MERTK: variants seen among roughly 807,000 people sequenced by gnomAD.
The protein encoded by MERTK is tyrosine-protein kinase Mer.
In MERTK, 69 loss-of-function variants were observed where a neutral mutation model predicts 99.3. That is an observed-to-expected ratio of 0.70 (90% CI 0.57 to 0.85). The LOEUF is 0.85. Among genes scored for constraint, MERTK ranks in the 40% least tolerant of loss-of-function variants. The pLI is 0.00. For synonymous variants in MERTK, 426 were observed against 467.6 expected, an observed-to-expected ratio of 0.91 and a Z score of 1.15; for missense variants, 1,125 against 1,249.4, an observed-to-expected ratio of 0.90 and a Z score of 1.50.
intron 1 of MERTK, among the ~76,000 whole-genome samples, chr2:111,899,356 T>C (rs1683996796): frequency 6.6e-6 from 1 of 152,090 alleles, no homozygotes; most frequent in African/African-American, 2.4e-5. Context: ...TCCTGGCTGC[T>C]CCCAATGGGC....
At chr2:111,964,514 A>T (rs1021274640) in intron 4 of MERTK, among the ~76,000 whole-genome samples, 1 of 152,202 alleles carries the variant, frequency 6.6e-6, no homozygotes, top group Non-Finnish European at 1.5e-5. Context: ...TTCTCCAAGG[A>T]GCCCTGGTTC....
At chr2:112,017,517 C>A (rs1228704370) in intron 15 of MERTK, among the ~76,000 whole-genome samples, 2 of 152,026 alleles carry the variant, frequency 1.3e-5, no homozygotes, top group East Asian at 3.9e-4. Flanking sequence ...GTAATACCAG[C>A]TACTTGGGAG....
At chr2:111,929,608 A>G in intron 2 of MERTK, 68 bp downstream of exon 2, 2 of 656,852 alleles carry the variant, frequency 3.0e-6, no homozygotes, top group Non-Finnish European at 4.3e-6. Flanking sequence ...ACTTATTGAG[A>G]CAGAGTATCA....
At chr2:111,927,249 G>A (rs980786768) in intron 1 of MERTK, among the ~76,000 whole-genome samples, 3 of 152,240 alleles carry the variant, frequency 2.0e-5, no homozygotes, top group African/African-American at 7.2e-5. Context: ...AGGGGCCTGG[G>A]AGGGAGCAGT....
intron 1 of MERTK, among the ~76,000 whole-genome samples, chr2:111,914,414 A>G (rs1684311639): frequency 6.6e-6 from 1 of 152,112 alleles, no homozygotes; most frequent in South Asian, 2.1e-4. Context: ...AGTAGCTGGG[A>G]CTGCAGGTGT....
chr2:111,913,544 T>C (rs1333253370), intron 1 of MERTK, among the ~76,000 whole-genome samples: 1 of 152,172 alleles, frequency 6.6e-6, no homozygotes, highest in Admixed American at 6.5e-5. Context: ...ATTTTCTTTT[T>C]TTTCTTTTTC....
rs537967167 is a variant in MERTK at position 111,975,781 on chromosome 2, A to G, written c.1144+309A>G. 6.6e-5 allele frequency among the ~76,000 whole-genome samples: 10 copies of G among 152,354 alleles called. No homozygotes were observed. In the East Asian group the frequency reaches 9.6e-4, roughly 15 times the overall value. ...ATACATGTTACCAACACAGTGGTCA[A>G]TACAGAAGCCTTCGGCCACTCCAAT... On this transcript the variant is annotated intron_variant, in intron 7 of 18. Coordinates refer to ENST00000295408, the MANE Select transcript of MERTK (RefSeq NM_006343.3).
chr2:111,991,159 G>A (rs1293253744), intron 8 of MERTK, among the ~76,000 whole-genome samples: 3 of 152,146 alleles, frequency 2.0e-5, no homozygotes, highest in African/African-American at 4.8e-5. Flanking sequence ...TTTCTGCCTC[G>A]CTCCCAAATT....
intron 6 of MERTK, among the ~76,000 whole-genome samples, 165 bp from the exon 7 acceptor site, chr2:111,975,124 A>C (rs908258751): frequency 1.3e-5 from 2 of 152,202 alleles, no homozygotes; most frequent in African/African-American, 4.8e-5. Flanking sequence ...GGCATGAGTA[A>C]CACACAGTGA....
intron 4 of MERTK, among the ~76,000 whole-genome samples, chr2:111,958,101 T>A (rs1685182753): frequency 6.6e-6 from 1 of 152,050 alleles, no homozygotes. Context: ...AAGGAGAAAT[T>A]GCTCTAAGAG....
At chr2:112,021,290 T>C (rs928428258) in intron 16 of MERTK, 132 bp from the exon 17 acceptor site, 1 of 1,319,686 alleles carries the variant, frequency 7.6e-7, no homozygotes, top group Non-Finnish European at 1.1e-6. Flanking sequence ...CAATGCAGCA[T>C]GCTCACAGGC....
chr2:112,009,645 A>G (rs1300239748), intron 14 of MERTK, among the ~76,000 whole-genome samples: 1 of 152,140 alleles, frequency 6.6e-6, no homozygotes, highest in Non-Finnish European at 1.5e-5. Flanking sequence ...CAAAAATCTT[A>G]TGGGGTCACT....
rs1677027954 is a variant in MERTK at position 112,008,374 on chromosome 2, C to A, written c.1868-9C>A. The A allele has an allele frequency of 1.9e-6, 3 of 1,606,890 alleles. No homozygotes were observed. The East Asian group carries it at 6.7e-5, about 36-fold the overall frequency. On this transcript the variant is annotated splice_polypyrimidine_tract_variant and intron_variant, in intron 13 of 18. Coordinates refer to ENST00000295408, the MANE Select transcript of MERTK (RefSeq NM_006343.3). ...ATCCATACTTAACCTTTTCTATTTT[C>A]TCCTCTAGTGGACAACTCTTCACAG...
chr2:111,975,459 C>G lies in MERTK; in HGVS notation c.1131C>G (p.Ser377Arg), dbSNP rs778299669. ...WSAVSPWILA[S>R]TTEGAPSVAP... ...CAGTGAGCCCTTGGATTCTAGCCAG[C>G]ACGACTGAAGGAGGTAATTCCTGGG... Residue 377 changes from serine (S) to arginine (R), a missense_variant, in exon 7 of 19, where the codon AGC (serine) becomes AGG (arginine). Coordinates refer to ENST00000295408, the MANE Select transcript of MERTK (RefSeq NM_006343.3). The G allele has an allele frequency of 6.2e-7, 1 of 1,614,098 alleles. No homozygotes were observed. The highest frequency in any genetic ancestry group is 1.1e-5 in the South Asian group (1 of 91,080).
At chr2:112,005,404 C>T (rs1415511357) in intron 13 of MERTK, among the ~76,000 whole-genome samples, 1 of 152,200 alleles carries the variant, frequency 6.6e-6, no homozygotes, top group African/African-American at 2.4e-5. Context: ...ACTATAGTGA[C>T]TTGCTGACTT....
chr2:111,910,242 G>A (rs1016551400), intron 1 of MERTK, among the ~76,000 whole-genome samples: 2 of 151,474 alleles, frequency 1.3e-5, no homozygotes, highest in South Asian at 4.2e-4. Flanking sequence ...TCCAGCCTGG[G>A]CAACAGAGTG....
intron 2 of MERTK, among the ~76,000 whole-genome samples, chr2:111,931,515 A>G (rs994833374): frequency 6.6e-6 from 1 of 152,106 alleles, no homozygotes; most frequent in African/African-American, 2.4e-5. Flanking sequence ...GTGAAACCCC[A>G]TCTCTACTAA....
chr2:112,016,358 G>A (rs1219576929), intron 15 of MERTK, among the ~76,000 whole-genome samples: 1 of 152,212 alleles, frequency 6.6e-6, no homozygotes, highest in Non-Finnish European at 1.5e-5. Flanking sequence ...AAAAAGGAAT[G>A]TAGTTTCCTA....
Position 111,898,918 on chromosome 2 carries a change from C to T in MERTK, c.61+122C>T. On this transcript the variant is annotated intron_variant, in intron 1 of 18. Transcript: ENST00000295408. ...GGCTGCTGGACAAGTTTGCAAACAC[C>T]CTCCACCCACTGCGGTGCCAGAGGA... The T allele has an allele frequency of 5.9e-6, 6 of 1,018,830 alleles. No individual in the cohort carries two copies. In the South Asian group the frequency reaches 6.7e-5, roughly 11 times the overall value. 63.1% of individuals were successfully genotyped at this position (1,018,830 alleles called of 1,614,324 possible). A position where few individuals can be genotyped will look rare whatever the true frequency, so the allele number is the denominator to read the frequency against.
Sources: gnomAD v4.1 joint callset for allele counts (sites outside exome capture counted in the v4.1 genomes callset) on GRCh38, gnomAD v4.1.1 for gene constraint, MANE v1.5 for transcripts, NCBI Gene and HGNC (gene_info 2026-07-23, HGNC 2026-07-21) for gene names.